ATXN10: variants seen among roughly 807,000 people sequenced by gnomAD.
ATXN10 encodes ataxin 10.
ATXN10 carries 28 observed loss-of-function variants against 52.9 expected under a neutral mutation model. The ratio of observed to expected loss-of-function variants is 0.53; its 90% CI spans 0.39 to 0.73. The LOEUF (loss-of-function observed/expected upper bound fraction) is 0.73. Among genes scored for constraint, ATXN10 ranks in the 30% least tolerant of loss-of-function variants. The pLI is 0.00. For missense variants in ATXN10, 565 were observed against 577.0 expected (o/e 0.98, Z 0.21); for synonymous variants, 226 against 221.5 (o/e 1.02, Z -0.18).
At chr22:45,827,077 T>G (rs749086493) in intron 10 of ATXN10, among the ~76,000 whole-genome samples, 8 of 151,174 alleles carry the variant, frequency 5.3e-5, no homozygotes, top group Admixed American at 6.6e-5. Context: ...CTGGCATAAA[T>G]TAGAATTAGA....
rs1027849169 is a variant in ATXN10 at position 45,762,794 on chromosome 22, G to T, written c.1173+22256G>T. Among the ~76,000 whole-genome samples, 1 of 152,180 alleles carries T rather than the reference G, an allele frequency of 6.6e-6. No individual in the cohort carries two copies. The highest frequency in any genetic ancestry group is 2.4e-5 in the African/African-American group (1 of 41,442). ...CCCTGCTGTGGAGCCCCCACTGACAGATGCCTTCCCCCTGTGTTTTGGCTC... is the reference window on the plus strand; with the variant it reads ...CCCTGCTGTGGAGCCCCCACTGACATATGCCTTCCCCCTGTGTTTTGGCTC... On this transcript the variant is annotated intron_variant, in intron 9 of 11. Transcript: ENST00000252934. The surrounding 1 kb of genome is among the most constrained non-coding windows in gnomAD (Gnocchi z 4.3).
At chr22:45,682,810 A>G (rs1306494478) in intron 1 of ATXN10, among the ~76,000 whole-genome samples, 1 of 152,200 alleles carries the variant, frequency 6.6e-6, no homozygotes, top group Admixed American at 6.5e-5. Context: ...AGACACCCTC[A>G]TAAGAATCCA....
At chr22:45,788,659 G>A (rs373450634) in intron 9 of ATXN10, among the ~76,000 whole-genome samples, 3 of 151,838 alleles carry the variant, frequency 2.0e-5, no homozygotes, top group South Asian at 4.2e-4. Context: ...GGAGCTTTTA[G>A]TTCATTAGTT....
intron 10 of ATXN10, among the ~76,000 whole-genome samples, chr22:45,814,928 A>G (rs1928406749): frequency 6.6e-6 from 1 of 152,238 alleles, no homozygotes. Context: ...GAGGTGGAAC[A>G]GTTTCATCTG....
chr22:45,730,450 T>C (rs1925046104), intron 7 of ATXN10, among the ~76,000 whole-genome samples: 1 of 152,208 alleles, frequency 6.6e-6, no homozygotes, highest in East Asian at 1.9e-4. Context: ...TTTGTTTGTT[T>C]TGAGACAAAG....
At position 45,702,848 on chromosome 22, in the gene ATXN10, G is replaced by GT. The variant is rs752911521; in HGVS notation, c.647+2dup. On this transcript the variant is annotated splice_donor_variant, in intron 5 of 11. Transcript: ENST00000252934. LOFTEE classifies it high-confidence loss of function. ...AAAAACATCCTGAATCAGAATGGCC[G>GT]TAAGTATCTTGTTAGAAATTTGATT... The GT allele has an allele frequency of 6.8e-6, 11 of 1,613,518 alleles. No individual in the cohort carries two copies. The highest frequency in any genetic ancestry group is 6.7e-5 in the African/African-American group (5 of 74,912).
intron 6 of ATXN10, among the ~76,000 whole-genome samples, chr22:45,725,474 T>A (rs1416371245): frequency 6.6e-6 from 1 of 151,978 alleles, no homozygotes; most frequent in Non-Finnish European, 1.5e-5. Flanking sequence ...TTAGTTATTG[T>A]TGATGTATAC....
In ATXN10 at chr22:45,757,769, T is replaced by C. The variant is rs1319558504; in HGVS notation, c.1173+17231T>C. Among the ~76,000 whole-genome samples the C allele has an allele frequency of 1.3e-5, 2 of 152,228 alleles. No individual in the cohort carries two copies. The highest frequency in any genetic ancestry group is 4.8e-5 in the African/African-American group (2 of 41,464). Reference sequence around the variant, plus strand: ...ATGTGATTAGAGTTATATTCATTCATGTTTGATTCTCTTTTAAGAATTATT... The same window carrying C: ...ATGTGATTAGAGTTATATTCATTCACGTTTGATTCTCTTTTAAGAATTATT... On this transcript the variant is annotated intron_variant, in intron 9 of 11. Transcript: ENST00000252934. The surrounding 1 kb of genome is among the most constrained non-coding windows in gnomAD (Gnocchi z 4.6).
intron 1 of ATXN10, chr22:45,679,320 G>A (rs1048189082): frequency 5.9e-5 from 9 of 152,190 alleles, no homozygotes; most frequent in Non-Finnish European, 8.8e-5. Context: ...GAAAATGAGA[G>A]CATACAAGAA....
intron 7 of ATXN10, among the ~76,000 whole-genome samples, chr22:45,735,593 A>G (rs1925261563): frequency 6.6e-6 from 1 of 152,196 alleles, no homozygotes; most frequent in African/African-American, 2.4e-5. Context: ...TGATCTATCA[A>G]CAAAGTAGTT....
chr22:45,673,882 T>G (rs1233274033), intron 1 of ATXN10: 2 of 152,126 alleles, frequency 1.3e-5, no homozygotes, highest in Non-Finnish European at 2.9e-5. Flanking sequence ...TAGATAAGGT[T>G]TCTCGTACAG....
In ATXN10 at chr22:45,727,329, C is replaced by A. The variant is rs5765591; in HGVS notation, c.729-2096C>A. 1.7e-3 allele frequency among the ~76,000 whole-genome samples: 156 copies of A among 89,282 alleles called. No homozygotes were observed. The highest frequency in any genetic ancestry group is 5.4e-3 in the East Asian group (13 of 2,398). The allele number at this position is 89,282 out of a possible 152,430, so 58.6% of individuals were successfully genotyped here. ...TAGTTCTGTCTGTCTGTCTATCTAT[C>A]TATATCTATCTATCTATCTATCTAT... On this transcript the variant is annotated intron_variant, in intron 6 of 11. Transcript: ENST00000252934. This position sits in a 1 kb window ranked among gnomAD's most constrained non-coding sequence, Gnocchi z 4.6.
chr22:45,779,651 T>G (rs1274595016), intron 9 of ATXN10, among the ~76,000 whole-genome samples: 2 of 152,208 alleles, frequency 1.3e-5, no homozygotes, highest in Non-Finnish European at 2.9e-5. Context: ...CTTTGGTACA[T>G]AACCTTGTAG....
intron 1 of ATXN10, among the ~76,000 whole-genome samples, chr22:45,685,363 C>G (rs1008449294): frequency 2.0e-5 from 3 of 152,026 alleles, no homozygotes; most frequent in Non-Finnish European, 4.4e-5. Flanking sequence ...GTATGCATTC[C>G]TTTGTAATAG....
rs1165315527 is a variant in ATXN10 at position 45,706,067 on chromosome 22, C to G, written c.647+3220C>G. Among the ~76,000 whole-genome samples the G allele has an allele frequency of 2.6e-5, 4 of 152,350 alleles. 1 individual carries two copies. The South Asian group carries it at 6.2e-4, about 24-fold the overall frequency. On this transcript the variant is annotated intron_variant, in intron 5 of 11. Coordinates refer to ENST00000252934, the MANE Select transcript of ATXN10 (RefSeq NM_013236.4). ...TCTATTACAACTAATGCCTGTTGAT[C>G]TGAGGTAGAACAGTTTCTTCCTGAA... is the stretch of plus-strand genomic sequence containing the variant.
At chr22:45,765,389 A>G (rs1324694480) in intron 9 of ATXN10, among the ~76,000 whole-genome samples, 1 of 152,158 alleles carries the variant, frequency 6.6e-6, no homozygotes, top group African/African-American at 2.4e-5. Flanking sequence ...GTCATTAGAA[A>G]TTAGTTTAGA....
chr22:45,723,222 A>G (rs1924729933), intron 6 of ATXN10, among the ~76,000 whole-genome samples: 1 of 152,092 alleles, frequency 6.6e-6, no homozygotes, highest in South Asian at 2.1e-4. Context: ...AGATAGGTAT[A>G]TCTATATTTT....
chr22:45,775,793 C>T lies in ATXN10; in HGVS notation c.1174-31166C>T, dbSNP rs774646800. Among the ~76,000 whole-genome samples the T allele has an allele frequency of 8.5e-5, 13 of 152,178 alleles. No homozygotes were observed. Among genetic ancestry groups the T allele is most frequent in the East Asian group, 1.9e-4 (1 of 5,200 alleles). ...ACCTGGGTCTCCGATTTATTTAGCA[C>T]GGTAGCACCAATAATAAATATTCTA... On this transcript the variant is annotated intron_variant, in intron 9 of 11. Transcript: ENST00000252934. This position sits in a 1 kb window ranked among gnomAD's most constrained non-coding sequence, Gnocchi z 4.7.
rs1926889266 is a variant in ATXN10, at chr22:45,774,634, CA to C, written c.1174-32321del. ...GAGAAAGGATGTTTAATGTTTTTTACAAAATAAAGGCAGGGGGGCTGGACGC... is the reference window on the plus strand; with the variant it reads ...GAGAAAGGATGTTTAATGTTTTTTACAAATAAAGGCAGGGGGGCTGGACGC... On this transcript the variant is annotated intron_variant, in intron 9 of 11. Coordinates refer to ENST00000252934, the MANE Select transcript of ATXN10 (RefSeq NM_013236.4). The surrounding 1 kb of genome is among the most constrained non-coding windows in gnomAD (Gnocchi z 6.2). Among the ~76,000 whole-genome samples the C allele has an allele frequency of 6.6e-6, 1 of 152,118 alleles. No homozygotes were observed. The highest frequency in any genetic ancestry group is 6.5e-5 in the Admixed American group (1 of 15,278).
Sources: allele counts gnomAD v4.1 joint callset (sites outside exome capture counted in the v4.1 genomes callset), GRCh38; gene constraint gnomAD v4.1.1; non-coding constraint Gnocchi (gnomAD v3.1); transcripts MANE v1.5; gene names NCBI Gene and HGNC (gene_info 2026-07-23, HGNC 2026-07-21).